ATF6: variants seen among roughly 807,000 people sequenced by gnomAD.
ATF6 encodes the protein cyclic AMP-dependent transcription factor ATF-6 alpha.
A neutral mutation model predicts 83.6 loss-of-function variants in ATF6; 53 were observed. The observed-to-expected ratio is 0.63, with a 90% CI of 0.51 to 0.80. ATF6 has a LOEUF of 0.80. Ranked by LOEUF, ATF6 falls within the 30% of genes least tolerant of loss-of-function variation. The pLI is 0.00. For synonymous variants in ATF6, 288 were observed against 285.8 expected, an observed-to-expected ratio of 1.01 and a Z score of -0.08; for missense variants, 744 against 797.9, an observed-to-expected ratio of 0.93 and a Z score of 0.81.
chr1:161,772,963 G>GTTTT (rs34459711), intron 1 of ATF6, among the ~76,000 whole-genome samples: 19 of 73,524 alleles, frequency 2.6e-4, no homozygotes, highest in African/African-American at 7.9e-4. Context: ...TGAAACTCCT[G>GTTTT]TTTTTTTTTT....
intron 12 of ATF6, among the ~76,000 whole-genome samples, chr1:161,854,146 T>C (rs1326327891): frequency 1.3e-5 from 2 of 152,148 alleles, no homozygotes; most frequent in Admixed American, 1.3e-4. Flanking sequence ...TCTGAAGAAG[T>C]TCCACTTTAA....
At chr1:161,816,116 G>C (rs1037787121) in intron 7 of ATF6, among the ~76,000 whole-genome samples, 1 of 152,072 alleles carries the variant, frequency 6.6e-6, no homozygotes, top group Non-Finnish European at 1.5e-5. Flanking sequence ...TTATAGTGCA[G>C]TGGCACTCAA....
chr1:161,941,482 C>G (rs1352072429), intron 15 of ATF6, among the ~76,000 whole-genome samples: 1 of 152,158 alleles, frequency 6.6e-6, no homozygotes, highest in Non-Finnish European at 1.5e-5. Context: ...TAAAATCTTG[C>G]TTTTTAAAAA....
At chr1:161,829,004 T>G (rs1488059578) in intron 9 of ATF6, among the ~76,000 whole-genome samples, 2 of 152,038 alleles carry the variant, frequency 1.3e-5, no homozygotes, top group African/African-American at 2.4e-5. Context: ...TAAAACAGAC[T>G]TTAAACCAGC....
At chr1:161,810,254 G>A (rs941626365) in intron 7 of ATF6, among the ~76,000 whole-genome samples, 2 of 152,188 alleles carry the variant, frequency 1.3e-5, no homozygotes, top group Non-Finnish European at 2.9e-5. Context: ...GGCTGGGGAA[G>A]CCTCAGGAAA....
At chr1:161,950,105 G>GA in intron 15 of ATF6, among the ~76,000 whole-genome samples, 1 of 152,256 alleles carries the variant, frequency 6.6e-6, no homozygotes, top group South Asian at 2.1e-4. Flanking sequence ...GAATATTCGT[G>GA]GTGTTGTGTG....
At position 161,789,668 on chromosome 1, in the gene ATF6, A is replaced by G. The variant is rs756004394; in HGVS notation, c.355-1740A>G. 2.0e-5 allele frequency among the ~76,000 whole-genome samples: 3 copies of G among 152,162 alleles called. No individual in the cohort carries two copies. In the East Asian group the frequency reaches 5.8e-4, roughly 29 times the overall value. On this transcript the variant is annotated intron_variant, in intron 4 of 15. Transcript: ENST00000367942. Reference sequence around the variant, plus strand: ...ATTTTTTATCCTGACTTTAATTGTAATGCATTCAGCATTGGACTTGGCTGT... The same window carrying G: ...ATTTTTTATCCTGACTTTAATTGTAGTGCATTCAGCATTGGACTTGGCTGT...
chr1:161,810,850 A>G (rs1432510004), intron 7 of ATF6, among the ~76,000 whole-genome samples: 1 of 152,022 alleles, frequency 6.6e-6, no homozygotes, highest in Non-Finnish European at 1.5e-5. Context: ...TATGAGTGGA[A>G]TCATACACTA....
chr1:161,938,427 T>C (rs1688580143), intron 15 of ATF6, among the ~76,000 whole-genome samples: 1 of 152,254 alleles, frequency 6.6e-6, no homozygotes, highest in Non-Finnish European at 1.5e-5. Context: ...GATAGTGATT[T>C]TCACAGTATC....
chr1:161,863,172 A>G (rs746622865), intron 13 of ATF6, 26 bp from the exon 14 acceptor site: 3 of 1,360,904 alleles, frequency 2.2e-6, no homozygotes, highest in South Asian at 2.5e-5. Context: ...TTATTTTAGT[A>G]ATACCTTATA....
chr1:161,846,359 G>A (rs1176115207), intron 9 of ATF6, 90 bp from the exon 10 acceptor site: 5 of 1,393,808 alleles, frequency 3.6e-6, no homozygotes, highest in Non-Finnish European at 2.9e-6. Flanking sequence ...GATCTGCAAA[G>A]GAATTGTGGT....
intron 10 of ATF6, among the ~76,000 whole-genome samples, chr1:161,850,233 T>G (rs984872171): frequency 6.6e-6 from 1 of 152,150 alleles, no homozygotes; most frequent in Non-Finnish European, 1.5e-5. Flanking sequence ...TATGACCTGG[T>G]CTTTTATTAT....
intron 15 of ATF6, among the ~76,000 whole-genome samples, chr1:161,935,383 T>C (rs1046425569): frequency 1.3e-5 from 2 of 152,168 alleles, no homozygotes; most frequent in Non-Finnish European, 2.9e-5. Flanking sequence ...CCTGGAGAGC[T>C]TCCTCACCCC....
At chr1:161,874,238 G>T (rs1687167233) in intron 14 of ATF6, among the ~76,000 whole-genome samples, 1 of 151,492 alleles carries the variant, frequency 6.6e-6, no homozygotes, top group Non-Finnish European at 1.5e-5. Context: ...TTTAACCTCT[G>T]GAATGAATAA....
At chr1:161,784,846 A>G (rs1484850417) in intron 4 of ATF6, among the ~76,000 whole-genome samples, 6 of 152,200 alleles carry the variant, frequency 3.9e-5, no homozygotes, top group African/African-American at 1.4e-4. Context: ...GATTAAGTCA[A>G]TAGGATTTTA....
At chr1:161,811,033 C>T (rs868710713) in intron 7 of ATF6, among the ~76,000 whole-genome samples, 23 of 152,236 alleles carry the variant, frequency 1.5e-4, no homozygotes, top group South Asian at 1.2e-3. Context: ...GGCTTGTCTC[C>T]ACTTTTTGTC....
At chr1:161,779,699 T>G (rs1249017764) in intron 2 of ATF6, among the ~76,000 whole-genome samples, 1 of 152,126 alleles carries the variant, frequency 6.6e-6, no homozygotes, top group Non-Finnish European at 1.5e-5. Flanking sequence ...TTACTTAGAT[T>G]AAGAAAGTTT....
intron 6 of ATF6, among the ~76,000 whole-genome samples, chr1:161,798,739 A>G (rs779821858): frequency 6.6e-6 from 1 of 152,232 alleles, no homozygotes; most frequent in Non-Finnish European, 1.5e-5. Flanking sequence ...TCCAGAATCT[A>G]CAAGAAACTT....
At chr1:161,767,133 C>T (rs1222670176) in intron 1 of ATF6, among the ~76,000 whole-genome samples, 1 of 152,098 alleles carries the variant, frequency 6.6e-6, no homozygotes, top group Non-Finnish European at 1.5e-5. Context: ...TTAGAGGAGA[C>T]TTTTATTCTC....
Sources: allele counts gnomAD v4.1 joint callset (sites outside exome capture counted in the v4.1 genomes callset), GRCh38; gene constraint gnomAD v4.1.1; transcripts MANE v1.5; gene names NCBI Gene and HGNC (gene_info 2026-07-23, HGNC 2026-07-21).